Variants in CCDC150 observed in about 807,000 individuals in gnomAD.
The protein encoded by CCDC150 is coiled-coil domain containing 150, also known as coiled-coil domain-containing protein 150.
In CCDC150, 151 loss-of-function variants were observed where a neutral mutation model predicts 156.5. The ratio of observed to expected loss-of-function variants is 0.97; its 90% CI spans 0.85 to 1.10. CCDC150 has a LOEUF of 1.10. Ranked by LOEUF, CCDC150 falls within the 50% of genes least tolerant of loss-of-function variation. The probability of loss-of-function intolerance (pLI) is 0.00; values close to 1 mark genes in which losing one functional copy is unlikely to be tolerated. For missense variants in CCDC150, 1,312 were observed against 1,268.1 expected (o/e 1.03, Z -0.53); for synonymous variants, 452 against 429.4 (o/e 1.05, Z -0.65).
intron 17 of CCDC150, chr2:196,713,745 T>A: frequency 7.3e-7 from 1 of 1,369,876 alleles, no homozygotes; most frequent in Non-Finnish European, 9.5e-7. Context: ...AATGAAATAT[T>A]AATCCAGAAA....
chr2:196,706,547 A>T (rs542033927), intron 15 of CCDC150, among the ~76,000 whole-genome samples: 1 of 152,168 alleles, frequency 6.6e-6, no homozygotes, highest in African/African-American at 2.4e-5. Context: ...TTACAATACT[A>T]TGTTGAATAG....
intron 7 of CCDC150, among the ~76,000 whole-genome samples, chr2:196,668,720 T>C (rs1694009048): frequency 6.6e-6 from 1 of 152,224 alleles, no homozygotes; most frequent in Admixed American, 6.5e-5. Context: ...AGCATTTATA[T>C]ACAGATTTAT....
chr2:196,685,704 C>T (rs6761112), intron 13 of CCDC150, among the ~76,000 whole-genome samples: 95,206 of 151,514 alleles, frequency 0.63, 31,032 homozygotes, highest in East Asian at 0.79. Context: ...CTCCACCTCC[C>T]GGGTTCATGC....
At position 196,726,054 on chromosome 2, in the gene CCDC150, C is replaced by G. The variant is rs771451230; in HGVS notation, c.2511C>G (p.Thr837=). The G allele has an allele frequency of 6.8e-6, 11 of 1,612,304 alleles. No homozygotes were observed. The South Asian group carries it at 1.2e-4, about 18-fold the overall frequency. The stretch of plus-strand genomic sequence containing the variant: ...AAGCTCTAAGAAAGCAGTTTCAAAC[C>G]GAGAGAGAAACTACAAAGAAAGTGG... ...RIEALRKQFQ[T]ERETTKKVAQ... is the part of the protein sequence containing the mutation. Residue 837 remains threonine, a synonymous_variant, in exon 22 of 28, where the codon ACC becomes ACG. Transcript: ENST00000389175.
chr2:196,711,887 T>G (rs1481934550), intron 15 of CCDC150, among the ~76,000 whole-genome samples: 1 of 152,002 alleles, frequency 6.6e-6, no homozygotes, highest in East Asian at 1.9e-4. Context: ...TCATGTCCAT[T>G]TGGAGGCCTA....
chr2:196,655,926 G>A (rs1443616640), intron 2 of CCDC150, among the ~76,000 whole-genome samples: 6 of 152,092 alleles, frequency 3.9e-5, no homozygotes, highest in African/African-American at 1.4e-4. Context: ...GGCTGCCAAA[G>A]GTTATGTTTG....
In CCDC150 at chr2:196,730,110, C is replaced by T. The variant is rs201604646; in HGVS notation, c.2974C>T (p.Arg992Trp). The stretch of plus-strand genomic sequence containing the variant: ...GAAAATAAGGCAGGAGCTAGAGAAT[C>T]GGTGCCAGGTAAAAGGTTTCCTAAG... ...ERKIRQELEN[R>W]CQELEETVRH... Residue 992 changes from arginine to tryptophan, a missense_variant, in exon 25 of 28, where the codon CGG becomes TGG. Arg to Trp is a moderately radical substitution (Grantham distance 101). Transcript: ENST00000389175. 330 of 1,603,122 alleles carry T rather than the reference C, an allele frequency of 2.1e-4. No individual in the cohort carries two copies. Among genetic ancestry groups the T allele is most frequent in the Non-Finnish European group, 2.6e-4 (303 of 1,175,690 alleles).
At chr2:196,715,393 G>A (rs951628532) in intron 17 of CCDC150, among the ~76,000 whole-genome samples, 4 of 152,122 alleles carry the variant, frequency 2.6e-5, no homozygotes, top group Non-Finnish European at 4.4e-5. Context: ...TGTAAAAAGG[G>A]TGGGGAGATA....
At chr2:196,662,765 GAAAA>G (rs974682749) in intron 5 of CCDC150, among the ~76,000 whole-genome samples, 1 of 149,692 alleles carries the variant, frequency 6.7e-6, no homozygotes, top group African/African-American at 2.5e-5. Context: ...CCCATTTCTG[GAAAA>G]AAAAAGAAAA....
At chr2:196,703,962 T>C (rs1254670616) in intron 15 of CCDC150, among the ~76,000 whole-genome samples, 1 of 152,248 alleles carries the variant, frequency 6.6e-6, no homozygotes, top group Non-Finnish European at 1.5e-5. Flanking sequence ...GGTGCTTTTA[T>C]GTCAGGTCTT....
intron 2 of CCDC150, among the ~76,000 whole-genome samples, chr2:196,651,885 C>T (rs115813716): frequency 0.026 from 4,031 of 152,244 alleles, 188 homozygotes; most frequent in African/African-American, 0.091. Flanking sequence ...GGCCTCAGGA[C>T]GCTTACAATC....
intron 5 of CCDC150, among the ~76,000 whole-genome samples, chr2:196,659,542 T>C (rs1328748851): frequency 6.6e-6 from 1 of 152,230 alleles, no homozygotes. Context: ...GTTATAAATT[T>C]TAGTGCTTAG....
intron 17 of CCDC150, chr2:196,713,410 C>G: frequency 6.5e-7 from 1 of 1,537,342 alleles, no homozygotes; most frequent in South Asian, 1.2e-5. Context: ...CAAAATCCCC[C>G]GAAATCTCTA....
Position 196,669,881 on chromosome 2 carries a change from GT to G in CCDC150, c.936+9del. The stretch of plus-strand genomic sequence containing the variant: ...AAGTTGGTTGAAGAAAATAAGGTGA[GT>G]TTTGAAGTTGTGGAGTACAGAGGTG... On this transcript the variant is annotated splice_donor_region_variant and intron_variant, in intron 8 of 27. Coordinates refer to ENST00000389175, the MANE Select transcript of CCDC150 (RefSeq NM_001080539.2). The G allele has an allele frequency of 6.2e-7, 1 of 1,609,804 alleles. No homozygotes were observed. The highest frequency in any genetic ancestry group is 8.5e-7 in the Non-Finnish European group (1 of 1,177,148).
intron 21 of CCDC150, among the ~76,000 whole-genome samples, chr2:196,723,948 T>C (rs578252523): frequency 1.3e-5 from 2 of 152,168 alleles, no homozygotes; most frequent in African/African-American, 4.8e-5. Flanking sequence ...GTTTTTAGAA[T>C]GGGAGGAACT....
intron 14 of CCDC150, among the ~76,000 whole-genome samples, chr2:196,697,985 T>C (rs1438567451): frequency 1.3e-5 from 2 of 152,208 alleles, no homozygotes; most frequent in Non-Finnish European, 2.9e-5. Flanking sequence ...TCTTTCTCTG[T>C]ATGATGTTTC....
In CCDC150 at chr2:196,711,767, A is replaced by G. The variant is rs190107819; in HGVS notation, c.1696-378A>G. Among the ~76,000 whole-genome samples the G allele has an allele frequency of 1.1e-4, 17 of 152,276 alleles. No individual in the cohort carries two copies. In the South Asian group the frequency reaches 2.7e-3, roughly 24 times the overall value. Reference sequence around the variant, plus strand: ...CTGCTTCTTGCACATTGACAGTTCTAATTATACACATTCAAAAGGGTTTTG... The same window carrying G: ...CTGCTTCTTGCACATTGACAGTTCTGATTATACACATTCAAAAGGGTTTTG... On this transcript the variant is annotated intron_variant, in intron 15 of 27. Transcript: ENST00000389175.
At chr2:196,659,741 C>A (rs948777762) in intron 5 of CCDC150, among the ~76,000 whole-genome samples, 1 of 151,928 alleles carries the variant, frequency 6.6e-6, no homozygotes, top group African/African-American at 2.4e-5. Context: ...TCCTGTATAC[C>A]CCTCTCTCCA....
At chr2:196,711,378 A>T (rs1398561729) in intron 15 of CCDC150, among the ~76,000 whole-genome samples, 3 of 152,176 alleles carry the variant, frequency 2.0e-5, no homozygotes, top group African/African-American at 7.2e-5. Context: ...CACTCTACAG[A>T]TAGGAAACAA....
Sources: allele counts gnomAD v4.1 joint callset (sites outside exome capture counted in the v4.1 genomes callset), GRCh38; gene constraint gnomAD v4.1.1; transcripts MANE v1.5; gene names NCBI Gene and HGNC (gene_info 2026-07-23, HGNC 2026-07-21).